Variants in LCA5 observed in about 807,000 individuals in gnomAD.
The protein encoded by LCA5 is lebercilin.
LCA5 carries 37 observed loss-of-function variants against 53.0 expected under a neutral mutation model. The observed-to-expected ratio is 0.70, with a 90% confidence interval of 0.54 to 0.92. LCA5 has a LOEUF of 0.92. Among genes scored for constraint, LCA5 ranks in the 40% least tolerant of loss-of-function variants. The probability of loss-of-function intolerance (pLI) is 0.00; values close to 1 mark genes in which losing one functional copy is unlikely to be tolerated. For missense variants in LCA5, 806 were observed against 790.5 expected, an observed-to-expected ratio of 1.02 and a Z score of -0.23; for synonymous variants, 303 against 282.9, an observed-to-expected ratio of 1.07 and a Z score of -0.71.
At chr6:79,501,907 T>C (rs1770151244) in intron 3 of LCA5, among the ~76,000 whole-genome samples, 1 of 151,736 alleles carries the variant, frequency 6.6e-6, no homozygotes, top group South Asian at 2.1e-4. Flanking sequence ...AATACAGATG[T>C]ATAATATATA....
intron 3 of LCA5, among the ~76,000 whole-genome samples, chr6:79,496,899 A>T (rs1383966316): frequency 6.6e-6 from 1 of 152,202 alleles, no homozygotes; most frequent in Non-Finnish European, 1.5e-5. Context: ...CTAGATACTT[A>T]CAATAACAGG....
intron 3 of LCA5, among the ~76,000 whole-genome samples, chr6:79,500,990 T>C (rs1268437997): frequency 6.6e-6 from 1 of 152,174 alleles, no homozygotes; most frequent in Non-Finnish European, 1.5e-5. Context: ...AGAGTTATTA[T>C]TACCTCTTAG....
At chr6:79,533,826 C>T (rs761810867) in intron 1 of LCA5, among the ~76,000 whole-genome samples, 2 of 151,636 alleles carry the variant, frequency 1.3e-5, no homozygotes, top group Non-Finnish European at 2.9e-5. Flanking sequence ...ATCAACAAAC[C>T]GTTAATTTCC....
At chr6:79,508,183 T>C (rs1408756220) in intron 3 of LCA5, among the ~76,000 whole-genome samples, 1 of 152,106 alleles carries the variant, frequency 6.6e-6, no homozygotes, top group Non-Finnish European at 1.5e-5. Context: ...CCATCCCTGG[T>C]CTATGGCCCG....
chr6:79,507,293 C>T (rs569825481), intron 3 of LCA5, among the ~76,000 whole-genome samples: 4 of 151,950 alleles, frequency 2.6e-5, no homozygotes, highest in African/African-American at 4.8e-5. Context: ...GTTAAAAGAT[C>T]TTATAACATA....
chr6:79,517,336 C>G (rs2127682203), intron 2 of LCA5, among the ~76,000 whole-genome samples: 1 of 152,124 alleles, frequency 6.6e-6, no homozygotes, highest in Middle Eastern at 3.4e-3. Flanking sequence ...GTTCAGACTC[C>G]TTAATTGGGT....
chr6:79,538,643 A>T (rs565398058), upstream of LCA5, among the ~76,000 whole-genome samples: 138 of 152,362 alleles, frequency 9.1e-4, no homozygotes, highest in Non-Finnish European at 1.5e-3. Context: ...TAACATGTAA[A>T]TGTATGGGTG....
intron 6 of LCA5, among the ~76,000 whole-genome samples, chr6:79,490,444 C>T (rs1769805357): frequency 6.6e-6 from 1 of 152,094 alleles, no homozygotes; most frequent in Non-Finnish European, 1.5e-5. Context: ...AGAGCTAACT[C>T]CAAGGCTATA....
intron 3 of LCA5, among the ~76,000 whole-genome samples, chr6:79,511,128 G>A (rs962889257): frequency 1.3e-4 from 20 of 151,922 alleles, no homozygotes; most frequent in African/African-American, 4.3e-4. Flanking sequence ...ACCAGCAAGT[G>A]CACTTTCAGG....
At position 79,492,645 on chromosome 6, in the gene LCA5, T is replaced by C. The variant is rs1406377818; in HGVS notation, c.861A>G (p.Glu287=). 1 of 1,489,644 alleles carries C rather than the reference T, an allele frequency of 6.7e-7. No homozygotes were observed. 92.3% of individuals were successfully genotyped at this position (1,489,644 alleles called of 1,614,324 possible). A position where few individuals can be genotyped will look rare whatever the true frequency, so the allele number is the denominator to read the frequency against. The stretch of plus-strand genomic sequence containing the variant: ...TTTTTATATCCAGTTCTCTCTCCTT[T>C]TCCTGAAAACAAACGCAATACAATT... ...EVQRLYHKLK[E]KERELDIKNI... Residue 287 remains glutamate (E), a splice_region_variant and synonymous_variant, in exon 5 of 8, where the codon GAA becomes GAG. Coordinates refer to ENST00000369846, the MANE Select transcript of LCA5 (RefSeq NM_001122769.3).
intron 2 of LCA5, among the ~76,000 whole-genome samples, chr6:79,516,718 G>A (rs2127681902): frequency 6.6e-6 from 1 of 151,960 alleles, no homozygotes; most frequent in Admixed American, 6.6e-5. Context: ...GATGATTGTT[G>A]TATATATCAT....
At chr6:79,521,668 C>G (rs975269219) in intron 1 of LCA5, among the ~76,000 whole-genome samples, 3 of 152,082 alleles carry the variant, frequency 2.0e-5, no homozygotes, top group African/African-American at 7.2e-5. Flanking sequence ...AAAAAAACTT[C>G]TTCACTTTGT....
intron 6 of LCA5, among the ~76,000 whole-genome samples, chr6:79,491,253 T>C (rs1014114879): frequency 2.6e-5 from 4 of 152,068 alleles, no homozygotes; most frequent in African/African-American, 9.7e-5. Context: ...TGATGTAAAC[T>C]AAAACACTCA....
In LCA5 at chr6:79,513,721, T is replaced by C. The variant is rs886061789; in HGVS notation, c.211A>G (p.Lys71Glu). Reference protein sequence around the residue: ...HHQAPRKPSPKGLPNRKGVRV... With the variant: ...HHQAPRKPSPEGLPNRKGVRV... ...ACTCCCTTTCTGTTTGGTAGACCCT[T>C]AGGGCTTGGTTTCCGAGGGGCTAAA... is the stretch of plus-strand genomic sequence containing the variant. Residue 71 changes from lysine (K) to glutamate (E), a missense_variant, in exon 3 of 8, where the codon AAG (lysine) becomes GAG (glutamate). Transcript: ENST00000369846. The C allele has an allele frequency of 5.6e-6, 9 of 1,613,558 alleles. No individual in the cohort carries two copies. The highest frequency in any genetic ancestry group is 7.6e-6 in the Non-Finnish European group (9 of 1,179,652).
rs533216139 is a variant in LCA5 at position 79,529,846 on chromosome 6, T to C, written c.-192+7319A>G. Among the ~76,000 whole-genome samples, 16 of 150,832 alleles carry C rather than the reference T, an allele frequency of 1.1e-4. No homozygotes were observed. In the East Asian group the frequency reaches 2.2e-3, roughly 20 times the overall value. Reference sequence around the variant, plus strand: ...GGATACCATCATTCTCAGCAAACTATTGCAAGGACAAAAAAAACCAAACAC... The same window carrying C: ...GGATACCATCATTCTCAGCAAACTACTGCAAGGACAAAAAAAACCAAACAC... On this transcript the variant is annotated intron_variant, in intron 1 of 7. Transcript: ENST00000369846.
At chr6:79,491,479 A>G in intron 6 of LCA5, 109 bp downstream of exon 6, 1 of 1,155,400 alleles carries the variant, frequency 8.7e-7, no homozygotes, top group Non-Finnish European at 1.3e-6. Context: ...TCGCATATTC[A>G]TATAGATATA....
chr6:79,499,400 G>T (rs954063439), intron 3 of LCA5, among the ~76,000 whole-genome samples: 2 of 152,024 alleles, frequency 1.3e-5, no homozygotes, highest in Non-Finnish European at 2.9e-5. Flanking sequence ...AGCAAGGAGA[G>T]TAGAAAAAGG....
At chr6:79,498,451 T>C (rs2127672041) in intron 3 of LCA5, among the ~76,000 whole-genome samples, 1 of 152,008 alleles carries the variant, frequency 6.6e-6, no homozygotes, top group East Asian at 1.9e-4. Flanking sequence ...TTAAAAAAAA[T>C]ACCAGGGCTA....
At chr6:79,497,671 AAAG>A (rs1443178230) in intron 3 of LCA5, among the ~76,000 whole-genome samples, 1 of 152,162 alleles carries the variant, frequency 6.6e-6, no homozygotes, top group African/African-American at 2.4e-5. Flanking sequence ...TGGAGAACAG[AAAG>A]TACTATAAAA....
Sources: allele counts gnomAD v4.1 joint callset (sites outside exome capture counted in the v4.1 genomes callset), GRCh38; gene constraint gnomAD v4.1.1; transcripts MANE v1.5; gene names NCBI Gene and HGNC (gene_info 2026-07-23, HGNC 2026-07-21).